The following CHLSN variants were observed in gnomAD, a reference collection of about 807,000 sequenced individuals.
The protein encoded by CHLSN is protein cholesin.
chr7:986,719 C>T, the CHLSN span: 3 of 1,611,690 alleles, frequency 1.9e-6, no homozygotes, highest in South Asian at 2.2e-5. Flanking sequence ...TGAGGACCCT[C>T]CTGGAGGCGC....
chr7:1,070,189 C>T, the CHLSN span, among the ~76,000 whole-genome samples: 2 of 127,886 alleles, frequency 1.6e-5, no homozygotes, highest in Admixed American at 7.4e-5. Flanking sequence ...CCTCTCCGCC[C>T]GGCAGCCACC....
chr7:1,070,802 C>A, the CHLSN span, among the ~76,000 whole-genome samples: 6 of 133,076 alleles, frequency 4.5e-5, no homozygotes, highest in Admixed American at 2.2e-4. Context: ...CACGTGCACA[C>A]ATGCACACAC....
the CHLSN span, chr7:1,028,462 G>A: frequency 1.0e-6 from 1 of 985,380 alleles, no homozygotes; most frequent in Non-Finnish European, 1.2e-6. Context: ...TCGGCGCGGG[G>A]GTGGGAGAGC....
At chr7:1,028,603 G>A in the CHLSN span, 1 of 982,370 alleles carries the variant, frequency 1.0e-6, no homozygotes, top group Non-Finnish European at 1.2e-6. Context: ...GCGCACCCCC[G>A]CCCGCGCAGG....
the CHLSN span, among the ~76,000 whole-genome samples, chr7:995,431 T>C: frequency 6.6e-6 from 1 of 152,192 alleles, no homozygotes; most frequent in Non-Finnish European, 1.5e-5. Context: ...CCACTAATGG[T>C]CGGTGAGGAC....
chr7:1,120,740 T>C, the CHLSN span, among the ~76,000 whole-genome samples: 6 of 152,334 alleles, frequency 3.9e-5, no homozygotes, highest in African/African-American at 1.4e-4. Context: ...CTCCAAACCC[T>C]AGTAAACGGG....
At chr7:1,092,574 C>A in the CHLSN span, 3 of 1,610,910 alleles carry the variant, frequency 1.9e-6, no homozygotes, top group Non-Finnish European at 2.5e-6. Context: ...TCAGCGTGCA[C>A]CTCCTGCAGC....
the CHLSN span, among the ~76,000 whole-genome samples, chr7:1,086,531 GTA>G: frequency 6.6e-6 from 1 of 152,218 alleles, no homozygotes; most frequent in African/African-American, 2.4e-5. Context: ...GGAAATGTGT[GTA>G]TATTTCCTAA....
At chr7:1,099,571 G>C in the CHLSN span, among the ~76,000 whole-genome samples, 1 of 152,264 alleles carries the variant, frequency 6.6e-6, no homozygotes, top group Non-Finnish European at 1.5e-5. Context: ...ATTACCTGGA[G>C]TGTCTTTGGA....
the CHLSN span, chr7:988,939 A>AGAG: frequency 1.6e-6 from 1 of 617,516 alleles, no homozygotes; most frequent in Non-Finnish European, 2.7e-6. Context: ...GAGGACTCCC[A>AGAG]CCCTCACCCC....
the CHLSN span, among the ~76,000 whole-genome samples, chr7:1,032,751 G>A: frequency 2.0e-5 from 3 of 152,222 alleles, no homozygotes; most frequent in African/African-American, 7.2e-5. Context: ...ACAGGCAGGG[G>A]CAGGAAAACC....
At chr7:1,036,256 G>A in the CHLSN span, among the ~76,000 whole-genome samples, 3 of 152,162 alleles carry the variant, frequency 2.0e-5, no homozygotes, top group Non-Finnish European at 4.4e-5. Flanking sequence ...CATAAGCTGC[G>A]GACTTCGGGC....
the CHLSN span, among the ~76,000 whole-genome samples, chr7:1,096,971 G>A: frequency 3.3e-5 from 5 of 152,170 alleles, no homozygotes; most frequent in African/African-American, 7.2e-5. The surrounding 1 kb of genome is among the most constrained non-coding windows in gnomAD (Gnocchi z 4.6). Context: ...TAGACACCCC[G>A]TGAACTGGGC....
chr7:1,100,385 C>T, the CHLSN span, among the ~76,000 whole-genome samples: 1 of 152,348 alleles, frequency 6.6e-6, no homozygotes, highest in East Asian at 1.9e-4. Context: ...ACACCAGAGG[C>T]AGGCAAAGCC....
At chr7:1,008,058 G>A in the CHLSN span, among the ~76,000 whole-genome samples, 5 of 152,248 alleles carry the variant, frequency 3.3e-5, no homozygotes, top group South Asian at 6.2e-4. Context: ...GACAAACCCC[G>A]CCCACCCCAG....
the CHLSN span, among the ~76,000 whole-genome samples, chr7:1,100,997 C>A: frequency 6.6e-6 from 1 of 152,196 alleles, no homozygotes; most frequent in Non-Finnish European, 1.5e-5. Context: ...AGGCACAGCC[C>A]GTCAGGGAGG....
chr7:1,123,384 G>A, the CHLSN span, among the ~76,000 whole-genome samples: 1 of 152,218 alleles, frequency 6.6e-6, no homozygotes, highest in Admixed American at 6.5e-5. The surrounding 1 kb of genome is among the most constrained non-coding windows in gnomAD (Gnocchi z 4.4). Flanking sequence ...GACGGACGTT[G>A]CTGGGAGGAC....
the CHLSN span, among the ~76,000 whole-genome samples, chr7:1,096,492 G>C: frequency 6.6e-6 from 1 of 152,214 alleles, no homozygotes; most frequent in Non-Finnish European, 1.5e-5. This position sits in a 1 kb window ranked among gnomAD's most constrained non-coding sequence, Gnocchi z 4.6. Context: ...GGGACTCCGT[G>C]GGTGCCGCCG....
chr7:1,020,346 G>A, the CHLSN span, among the ~76,000 whole-genome samples: 4 of 152,110 alleles, frequency 2.6e-5, no homozygotes, highest in Admixed American at 6.5e-5. Flanking sequence ...CCACCAAAGG[G>A]GAGGCCCGCT....
Sources: allele counts gnomAD v4.1 joint callset (sites outside exome capture counted in the v4.1 genomes callset), GRCh38; gene constraint gnomAD v4.1.1; non-coding constraint Gnocchi (gnomAD v3.1); transcripts MANE v1.5; gene names NCBI Gene and HGNC (gene_info 2026-07-23, HGNC 2026-07-21).